RFX2: variants seen among roughly 807,000 people sequenced by gnomAD.
RFX2 encodes the protein regulatory factor X2.
Under a neutral mutation model 87.8 loss-of-function variants are expected in RFX2, and 20 were observed. The observed-to-expected ratio is 0.23, with a 90% CI of 0.16 to 0.33. The LOEUF is 0.33. Among genes scored for constraint, RFX2 ranks in the 10% least tolerant of loss-of-function variants. The pLI is 1.00. For missense variants in RFX2, 767 were observed against 1,012.3 expected (o/e 0.76, Z 3.29); for synonymous variants, 397 against 431.3 (o/e 0.92, Z 0.98).
chr19:6,059,524 C>G (rs890140615), intron 1 of RFX2, among the ~76,000 whole-genome samples: 3 of 152,110 alleles, frequency 2.0e-5, no homozygotes, highest in Admixed American at 6.6e-5. Flanking sequence ...GGAAATTCTC[C>G]TTAGGTTATG....
chr19:6,059,985 T>C (rs953338101), intron 1 of RFX2, among the ~76,000 whole-genome samples: 1 of 152,198 alleles, frequency 6.6e-6, no homozygotes, highest in Non-Finnish European at 1.5e-5. Flanking sequence ...TGTTCACACA[T>C]CCACACACAT....
At chr19:6,104,199 T>C (rs1035754684) in intron 1 of RFX2, among the ~76,000 whole-genome samples, 14 of 152,102 alleles carry the variant, frequency 9.2e-5, no homozygotes, top group African/African-American at 3.4e-4. Flanking sequence ...TTCATCCAGA[T>C]TCATCCAATT....
At chr19:6,054,333 A>G (rs1364372885) in intron 1 of RFX2, among the ~76,000 whole-genome samples, 1 of 152,208 alleles carries the variant, frequency 6.6e-6, no homozygotes, top group Non-Finnish European at 1.5e-5. Flanking sequence ...AAAAGGAATT[A>G]TTACACAAAT....
intron 1 of RFX2, among the ~76,000 whole-genome samples, chr19:6,080,276 G>A (rs2087760815): frequency 6.6e-6 from 1 of 151,674 alleles, no homozygotes; most frequent in African/African-American, 2.4e-5. Context: ...GAGAGAGAAG[G>A]TGAGGTCTTG....
At chr19:6,088,210 G>GT in intron 1 of RFX2, among the ~76,000 whole-genome samples, 1 of 131,544 alleles carries the variant, frequency 7.6e-6, no homozygotes, top group Non-Finnish European at 1.6e-5. Context: ...GGGCACTACA[G>GT]CTTTTTTTTT....
chr19:6,100,630 G>A (rs933056942), intron 1 of RFX2, among the ~76,000 whole-genome samples: 4 of 152,156 alleles, frequency 2.6e-5, no homozygotes, highest in African/African-American at 9.7e-5. Context: ...GTAAATCGGA[G>A]GAAGGTGGAA....
rs1286949592 is a variant in RFX2 at position 6,044,257 on chromosome 19, G to C, written c.116C>G (p.Ser39Cys). The stretch of plus-strand genomic sequence containing the variant: ...CTGCATCTGGGCCCCTTTGGGATTG[G>C]AGCTGGCTGCCTGGACCAACACCCT... ...PQRVLVQAASSNPKGAQMQPI... is the reference protein window; with the variant it reads ...PQRVLVQAASCNPKGAQMQPI... Residue 39 changes from serine to cysteine, a missense_variant, in exon 3 of 18, where the codon TCC becomes TGC. Physicochemically the swap from Ser to Cys is moderately radical, Grantham distance 112 (BLOSUM62 -1). This residue lies in a region of RFX2 where 146 missense variants were observed against 139.2 expected (regional missense o/e 1.05). Transcript: ENST00000303657. The surrounding 1 kb of genome is among the most constrained non-coding windows in gnomAD (Gnocchi z 5.3). 1 of 1,571,716 alleles carries C rather than the reference G, an allele frequency of 6.4e-7. No individual in the cohort carries two copies. The highest frequency in any genetic ancestry group is 1.2e-5 in the South Asian group (1 of 84,680).
Position 6,040,348 on chromosome 19 carries a change from G to T in RFX2, c.261-107C>A, listed in dbSNP as rs1221242569. The stretch of plus-strand genomic sequence containing the variant: ...TCACGTAAAAGCTGCAACCCAGAGA[G>T]GCCAGACATATGGAGCAATTCGGAC... On this transcript the variant is annotated intron_variant, in intron 4 of 17. Transcript: ENST00000303657. The surrounding 1 kb of genome is among the most constrained non-coding windows in gnomAD (Gnocchi z 6.1). 4.1e-6 allele frequency: 5 copies of T among 1,231,994 alleles called. No individual in the cohort carries two copies. Among genetic ancestry groups the T allele is most frequent in the Non-Finnish European group, 4.4e-6 (4 of 904,170 alleles). 76.3% of individuals were successfully genotyped at this position (1,231,994 alleles called of 1,614,324 possible).
intron 5 of RFX2, among the ~76,000 whole-genome samples, chr19:6,032,531 A>G (rs1207566124): frequency 1.3e-5 from 2 of 152,202 alleles, no homozygotes; most frequent in African/African-American, 4.8e-5. Context: ...GAAAAGCCCA[A>G]CGCTGTGGTC....
At chr19:6,054,267 T>C (rs1265912222) in intron 1 of RFX2, among the ~76,000 whole-genome samples, 1 of 152,142 alleles carries the variant, frequency 6.6e-6, no homozygotes, top group African/African-American at 2.4e-5. Flanking sequence ...GAAACTTCCC[T>C]ACACAGAAAA....
intron 1 of RFX2, among the ~76,000 whole-genome samples, chr19:6,098,667 T>C (rs1270374827): frequency 1.3e-5 from 2 of 151,716 alleles, no homozygotes; most frequent in African/African-American, 2.4e-5. Flanking sequence ...CTCAGCCTAC[T>C]GGGAAGGCCT....
rs2086843929 is a variant in RFX2 at position 6,023,270 on chromosome 19, C to G, written c.597+2893G>C. The G allele has an allele frequency of 6.6e-6, 1 of 152,334 alleles. No homozygotes were observed. Among genetic ancestry groups the G allele is most frequent in the South Asian group, 2.1e-4 (1 of 4,832 alleles). 9.4% of individuals were successfully genotyped at this position (152,334 alleles called of 1,614,324 possible). ...GGCCCAGCTGCTCCCACACACTTGG[C>G]TTATCTGCCACAGGGTCAGGCTGGC... On this transcript the variant is annotated intron_variant, in intron 6 of 17. Coordinates refer to ENST00000303657, the MANE Select transcript of RFX2 (RefSeq NM_000635.4). This position sits in a 1 kb window ranked among gnomAD's most constrained non-coding sequence, Gnocchi z 4.9.
Position 6,013,189 on chromosome 19 carries a change from T to A in RFX2, c.780-84A>T. On this transcript the variant is annotated intron_variant, in intron 7 of 17. Coordinates refer to ENST00000303657, the MANE Select transcript of RFX2 (RefSeq NM_000635.4). This position sits in a 1 kb window ranked among gnomAD's most constrained non-coding sequence, Gnocchi z 4.1. ...GGTTGGGATTCTTTTTCTTTCTTTC[T>A]TCTTTTTTTTTTTTGAGACAGAATC... 1 of 1,373,068 alleles carries A rather than the reference T, an allele frequency of 7.3e-7. No homozygotes were observed. Among genetic ancestry groups the A allele is most frequent in the Non-Finnish European group, 9.7e-7 (1 of 1,034,988 alleles). The allele number at this position is 1,373,068 out of a possible 1,614,324, so 85.1% of individuals were successfully genotyped here. A position where few individuals can be genotyped will look rare whatever the true frequency, so the allele number is the denominator to read the frequency against.
In RFX2 at chr19:6,045,253, G is replaced by A. The variant is rs28421503; in HGVS notation, c.91-971C>T. Among the ~76,000 whole-genome samples the A allele has an allele frequency of 0.1, 15,685 of 152,188 alleles. 2,790 individuals are homozygous for A. Among genetic ancestry groups the A allele is most frequent in the African/African-American group, 0.36 (14,871 of 41,452 alleles). ...TCTGATTCCAGGTGAGCTGGGCGCC[G>A]TGTGCTTGGAGAATTCACAGGGTCC... On this transcript the variant is annotated intron_variant, in intron 2 of 17. Transcript: ENST00000303657. The surrounding 1 kb of genome is among the most constrained non-coding windows in gnomAD (Gnocchi z 5.2).
Position 6,045,926 on chromosome 19 carries a change from A to T in RFX2, c.90+1481T>A, listed in dbSNP as rs958604653. Among the ~76,000 whole-genome samples, 2 of 151,874 alleles carry T rather than the reference A, an allele frequency of 1.3e-5. No homozygotes were observed. Among genetic ancestry groups the T allele is most frequent in the Non-Finnish European group, 2.9e-5 (2 of 68,018 alleles). On this transcript the variant is annotated intron_variant, in intron 2 of 17. Coordinates refer to ENST00000303657, the MANE Select transcript of RFX2 (RefSeq NM_000635.4). This position sits in a 1 kb window ranked among gnomAD's most constrained non-coding sequence, Gnocchi z 5.2. ...GGTCTCAAACTCCTGACCTCAGGTGATCCACCCACCTTGGCCTCCCAAAGT... is the reference window on the plus strand; with the variant it reads ...GGTCTCAAACTCCTGACCTCAGGTGTTCCACCCACCTTGGCCTCCCAAAGT...
At chr19:6,075,025 G>T (rs975507676) in intron 1 of RFX2, among the ~76,000 whole-genome samples, 1 of 152,112 alleles carries the variant, frequency 6.6e-6, no homozygotes, top group Non-Finnish European at 1.5e-5. Flanking sequence ...ACCCCAGAGA[G>T]CTCTCTCTGG....
chr19:6,030,425 T>C (rs778251106), intron 5 of RFX2, among the ~76,000 whole-genome samples: 1 of 152,182 alleles, frequency 6.6e-6, no homozygotes, highest in Non-Finnish European at 1.5e-5. Flanking sequence ...GGTCCATCCA[T>C]ACAATGGAAT....
intron 12 of RFX2, 30 bp downstream of exon 12, chr19:6,006,982 C>G (rs781705490): frequency 6.2e-7 from 1 of 1,609,858 alleles, no homozygotes; most frequent in Non-Finnish European, 8.5e-7. Flanking sequence ...GAGGATGGAG[C>G]AGCGCCGGGC....
chr19:5,997,360 G>T lies in RFX2; in HGVS notation c.1860-147C>A, dbSNP rs1278928813. 5 of 937,784 alleles carry T rather than the reference G, an allele frequency of 5.3e-6. No individual in the cohort carries two copies. The highest frequency in any genetic ancestry group is 7.6e-6 in the Non-Finnish European group (5 of 655,682). The allele number at this position is 937,784 out of a possible 1,614,324, so 58.1% of individuals were successfully genotyped here. A position where few individuals can be genotyped will look rare whatever the true frequency, so the allele number is the denominator to read the frequency against. ...GTGATCCTAAGACGTGCAGGCCTAC[G>T]CGGGGGCTGACGGGCTGCCGAGACC... On this transcript the variant is annotated intron_variant, in intron 15 of 17. Coordinates refer to ENST00000303657, the MANE Select transcript of RFX2 (RefSeq NM_000635.4). This position sits in a 1 kb window ranked among gnomAD's most constrained non-coding sequence, Gnocchi z 4.2.
Sources: gnomAD v4.1 joint callset for allele counts (sites outside exome capture counted in the v4.1 genomes callset) on GRCh38, gnomAD v4.1.1 for gene constraint, gnomAD v4.1.1 regional missense constraint, Gnocchi (gnomAD v3.1) non-coding constraint, MANE v1.5 for transcripts, NCBI Gene and HGNC (gene_info 2026-07-23, HGNC 2026-07-21) for gene names.